Variants in USP49 observed in about 807,000 individuals in gnomAD.
USP49 encodes the protein ubiquitin specific peptidase 49, also known as ubiquitin carboxyl-terminal hydrolase 49.
USP49 carries 24 observed loss-of-function variants against 58.6 expected under a neutral mutation model. That is an observed-to-expected ratio of 0.41 (90% CI 0.30 to 0.58). USP49 has a LOEUF of 0.58. Ranked by LOEUF, USP49 falls within the 20% of genes least tolerant of loss-of-function variation. The pLI is 0.30. For synonymous variants in USP49, 408 were observed against 365.1 expected (o/e 1.12, Z -1.34); for missense variants, 703 against 866.1 (o/e 0.81, Z 2.36).
intron 3 of USP49, among the ~76,000 whole-genome samples, chr6:41,827,658 C>G (rs1773563827): frequency 8.4e-6 from 1 of 118,752 alleles, no homozygotes; most frequent in Admixed American, 1.1e-4. Context: ...AGGGGCAATA[C>G]AGCAAGACTC....
In USP49 at chr6:41,799,806, C is replaced by T. The variant is rs767534214; in HGVS notation, c.1670+24G>A. 15 of 1,605,844 alleles carry T rather than the reference C, an allele frequency of 9.3e-6. No individual in the cohort carries two copies. In the African/African-American group the frequency reaches 1.9e-4, roughly 20 times the overall value. ...AGCTATTCCCACAGCTCTCACCCAGCTGGGACTCCCACAGCAAGCTCACCT... is the reference window on the plus strand; with the variant it reads ...AGCTATTCCCACAGCTCTCACCCAGTTGGGACTCCCACAGCAAGCTCACCT... On this transcript the variant is annotated intron_variant, in intron 6 of 7. Coordinates refer to ENST00000682992, the MANE Select transcript of USP49 (RefSeq NM_001286554.2).
intron 5 of USP49, among the ~76,000 whole-genome samples, chr6:41,802,458 TTATTTA>T (rs1561902651): frequency 1.2e-5 from 1 of 84,072 alleles, no homozygotes; most frequent in Non-Finnish European, 2.3e-5. Flanking sequence ...ATTTATTTAT[TTATTTA>T]TTTATTTTTT....
chr6:41,831,679 A>G (rs1773638357), intron 3 of USP49, among the ~76,000 whole-genome samples: 1 of 152,082 alleles, frequency 6.6e-6, no homozygotes, highest in Admixed American at 6.6e-5. Flanking sequence ...CATACTGCAC[A>G]TTAAACATTA....
intron 5 of USP49, among the ~76,000 whole-genome samples, chr6:41,800,285 C>T (rs9471662): frequency 6.6e-6 from 1 of 152,178 alleles, no homozygotes; most frequent in African/African-American, 2.4e-5. Flanking sequence ...AGAAGTCTTG[C>T]AATGGGATAG....
At chr6:41,827,695 AAATT>A (rs1219432128) in intron 3 of USP49, among the ~76,000 whole-genome samples, 23 of 147,776 alleles carry the variant, frequency 1.6e-4, no homozygotes, top group African/African-American at 5.9e-4. Flanking sequence ...AAAAAAAAAA[AAATT>A]TGCCTGGGTC....
At chr6:41,823,311 A>C (rs1446091399) in intron 3 of USP49, among the ~76,000 whole-genome samples, 1 of 152,242 alleles carries the variant, frequency 6.6e-6, no homozygotes, top group Non-Finnish European at 1.5e-5. Flanking sequence ...GAGAAGATTC[A>C]GTGTTTCAGT....
At chr6:41,867,261 C>T (rs992928148) in intron 3 of USP49, among the ~76,000 whole-genome samples, 1 of 152,184 alleles carries the variant, frequency 6.6e-6, no homozygotes, top group African/African-American at 2.4e-5. Flanking sequence ...AGTCACCTTT[C>T]TCCTGGCTTT....
chr6:41,825,458 T>G (rs115436538), intron 3 of USP49, among the ~76,000 whole-genome samples: 1,681 of 150,944 alleles, frequency 0.011, 15 homozygotes, highest in Non-Finnish European at 0.017. Flanking sequence ...AAAAAAGATA[T>G]GAGAACACGA....
At chr6:41,879,316 A>G (rs1774562169) in intron 2 of USP49, among the ~76,000 whole-genome samples, 1 of 151,946 alleles carries the variant, frequency 6.6e-6, no homozygotes, top group Non-Finnish European at 1.5e-5. Flanking sequence ...GCAGCCTCAA[A>G]CTCCAGAGTG....
intron 2 of USP49, among the ~76,000 whole-genome samples, chr6:41,886,169 A>G (rs529211072): frequency 6.6e-6 from 1 of 152,376 alleles, no homozygotes; most frequent in East Asian, 1.9e-4. Flanking sequence ...CAATCAGTGT[A>G]TAGCCATAAG....
In USP49 at chr6:41,791,084, A is replaced by G. The variant is rs1367005076; in HGVS notation, c.*5449T>C. 1 of 152,242 alleles carries G rather than the reference A, an allele frequency of 6.6e-6. No individual in the cohort carries two copies. The highest frequency in any genetic ancestry group is 1.5e-5 in the Non-Finnish European group (1 of 68,042). 9.4% of individuals were successfully genotyped at this position (152,242 alleles called of 1,614,324 possible). A position where few individuals can be genotyped will look rare whatever the true frequency, so the allele number is the denominator to read the frequency against. ...AAGGCTGCTACCTGATATACTCATG[A>G]CTGGACAGTTTTGATAAAAACTTCC... On this transcript the variant is annotated 3_prime_UTR_variant, in exon 8 of 8. Coordinates refer to ENST00000682992, the MANE Select transcript of USP49 (RefSeq NM_001286554.2).
Position 41,806,045 on chromosome 6 carries a change from C to T in USP49, c.939G>A (p.Thr313=). The change falls in exon 4 of 8, where the codon ACG becomes ACA. Residue 313 remains threonine (T), a synonymous_variant. Coordinates refer to ENST00000682992, the MANE Select transcript of USP49 (RefSeq NM_001286554.2). The surrounding 1 kb of genome is among the most constrained non-coding windows in gnomAD (Gnocchi z 5.9). ...CCCTGTCATTTCTCAAGGACAGCTC[C>T]GTGGCCGAGCTGTTGGTTGGCTTGC... ...LSGKPTNSSA[T]ELSLRNDRAE... 1.2e-6 allele frequency: 2 copies of T among 1,614,042 alleles called. No individual in the cohort carries two copies. The highest frequency in any genetic ancestry group is 1.1e-5 in the South Asian group (1 of 91,088).
rs2127314525 is a variant in USP49 at position 41,794,589 on chromosome 6, C to T, written c.*1944G>A. ...TTTCTATTGCCACAAAAAGTCATTA[C>T]TAATCATGCCGACTTAAAAACGTGG... On this transcript the variant is annotated 3_prime_UTR_variant, in exon 8 of 8. Transcript: ENST00000682992. The T allele has an allele frequency of 6.6e-6, 1 of 152,236 alleles. No individual in the cohort carries two copies. The highest frequency in any genetic ancestry group is 2.4e-5 in the African/African-American group (1 of 41,544). 9.4% of individuals were successfully genotyped at this position (152,236 alleles called of 1,614,324 possible).
chr6:41,839,297 T>C (rs539783497), intron 3 of USP49, among the ~76,000 whole-genome samples: 12 of 147,758 alleles, frequency 8.1e-5, no homozygotes, highest in African/African-American at 3.0e-4. Flanking sequence ...TCCCAGCCAC[T>C]TGGGAGGCTG....
At position 41,802,432 on chromosome 6, in the gene USP49, A is replaced by ATTTTAT. The variant is rs772710803; in HGVS notation, c.1561+1373_1561+1374insATAAAA. On this transcript the variant is annotated intron_variant, in intron 5 of 7. Coordinates refer to ENST00000682992, the MANE Select transcript of USP49 (RefSeq NM_001286554.2). ...TTTTTATTTTATTTTATTTTATTTT[A>ATTTTAT]TTTATTTATTTATTTATTTATTTAT... 4.4e-3 allele frequency among the ~76,000 whole-genome samples: 256 copies of ATTTTAT among 58,700 alleles called. 2 individuals carry two copies. The highest frequency in any genetic ancestry group is 0.014 in the African/African-American group (199 of 14,438). The allele number at this position is 58,700 out of a possible 152,430, so 38.5% of individuals were successfully genotyped here. A position where few individuals can be genotyped will look rare whatever the true frequency, so the allele number is the denominator to read the frequency against.
intron 7 of USP49, among the ~76,000 whole-genome samples, chr6:41,797,151 G>A (rs181138020): frequency 2.2e-3 from 338 of 152,094 alleles, no homozygotes; most frequent in Non-Finnish European, 3.2e-3. Context: ...TAGTAGAGAC[G>A]GGGCTTCACC....
rs992724602 is a variant in USP49, at chr6:41,807,072, T to C, written c.-28-61A>G. The C allele has an allele frequency of 1.8e-5, 22 of 1,235,046 alleles. No individual in the cohort carries two copies. In the African/African-American group the frequency reaches 3.1e-4, roughly 17 times the overall value. The allele number at this position is 1,235,046 out of a possible 1,614,324, so 76.5% of individuals were successfully genotyped here. ...AAGAAAACACTTTTAGAAAAATATT[T>C]TCCTTAAAAAAAAAAAAAAAAGTAA... On this transcript the variant is annotated intron_variant, in intron 3 of 7. Coordinates refer to ENST00000682992, the MANE Select transcript of USP49 (RefSeq NM_001286554.2).
Position 41,791,471 on chromosome 6 carries a change from T to G in USP49, c.*5062A>C, listed in dbSNP as rs564405906. The G allele has an allele frequency of 6.6e-6, 1 of 152,360 alleles. No individual in the cohort carries two copies. Among genetic ancestry groups the G allele is most frequent in the South Asian group, 2.1e-4 (1 of 4,832 alleles). The allele number at this position is 152,360 out of a possible 1,614,324, so 9.4% of individuals were successfully genotyped here. A position where few individuals can be genotyped will look rare whatever the true frequency, so the allele number is the denominator to read the frequency against. On this transcript the variant is annotated 3_prime_UTR_variant, in exon 8 of 8. Transcript: ENST00000682992. ...TGGTTAAGAATTTAGTAAATAAAAC[T>G]ACTTAATCTACAACTTTCAAAAATT...
chr6:41,798,280 T>C (rs187341435), intron 7 of USP49: 1 of 176,502 alleles, frequency 5.7e-6, no homozygotes, highest in African/African-American at 2.4e-5. Flanking sequence ...ATAATTCTTT[T>C]TATTTTTTTT....
Sources: gnomAD v4.1 joint callset for allele counts (sites outside exome capture counted in the v4.1 genomes callset) on GRCh38, gnomAD v4.1.1 for gene constraint, Gnocchi (gnomAD v3.1) non-coding constraint, MANE v1.5 for transcripts, NCBI Gene and HGNC (gene_info 2026-07-23, HGNC 2026-07-21) for gene names.